PRODH2: variants seen among roughly 807,000 people sequenced by gnomAD.
PRODH2 encodes the protein hydroxyproline dehydrogenase.
A neutral mutation model predicts 51.9 loss-of-function variants in PRODH2; 49 were observed. That is an observed-to-expected ratio of 0.94 (90% CI 0.75 to 1.20). The LOEUF is 1.20. Among genes scored for constraint, PRODH2 ranks in the 50% most tolerant of loss-of-function variants. The pLI, the probability that PRODH2 is intolerant of heterozygous loss-of-function variation, is 0.00. For synonymous variants in PRODH2, 249 were observed against 260.7 expected (o/e 0.96, Z 0.43); for missense variants, 597 against 610.9 (o/e 0.98, Z 0.24).
In PRODH2 at chr19:35,806,584, G is replaced by A. The variant is rs201263714; in HGVS notation, c.847C>T (p.Arg283Trp). ...GCAGCCTCTGCATCCCTCCCCAGCCGCTCGAATGTGTCCTATAGGGCACGC... is the reference window on the plus strand; with the variant it reads ...GCAGCCTCTGCATCCCTCCCCAGCCACTCGAATGTGTCCTATAGGGCACGC... The part of the protein sequence containing the change: ...YQACLKDTFE[R>W]LGRDAEAAHR... Residue 283 changes from arginine to tryptophan, a missense_variant, in exon 7 of 10, where the codon CGG (arginine) becomes TGG (tryptophan). Coordinates refer to ENST00000653904, the MANE Select transcript of PRODH2 (RefSeq NM_021232.2). The A allele has an allele frequency of 1.9e-5, 31 of 1,613,990 alleles. No individual in the cohort carries two copies. In the Middle Eastern group the frequency reaches 4.9e-4, roughly 26 times the overall value.
chr19:35,812,094 A>G (rs776405078), intron 3 of PRODH2, 40 bp downstream of exon 3: 1 of 1,613,398 alleles, frequency 6.2e-7, no homozygotes, highest in Non-Finnish European at 8.5e-7. Flanking sequence ...CCCGATGGGC[A>G]GCCGCGCCCT....
intron 7 of PRODH2, among the ~76,000 whole-genome samples, chr19:35,804,383 A>G (rs1972477966): frequency 6.6e-6 from 1 of 152,184 alleles, no homozygotes; most frequent in African/African-American, 2.4e-5. Context: ...CCTCTTCACC[A>G]CATTTCCTTT....
Position 35,812,786 on chromosome 19 carries a change from A to C in PRODH2, c.20T>G (p.Val7Gly), listed in dbSNP as rs1234625646. The change falls in exon 1 of 10, where the codon GTG becomes GGG. Residue 7 changes from valine (V) to glycine (G), a missense_variant. Physicochemically the swap from Val to Gly is moderately radical, Grantham distance 109. Coordinates refer to ENST00000653904, the MANE Select transcript of PRODH2 (RefSeq NM_021232.2). ...GGGGGGACCAGCTTGGGAACAGAGC[A>C]CGTAACAGGTCCGGAGCATCCTGGG... is the stretch of plus-strand genomic sequence containing the variant. Reference protein sequence around the residue: MLRTCYVLCSQAGPPSR... With the variant: MLRTCYGLCSQAGPPSR... The C allele has an allele frequency of 1.9e-6, 3 of 1,602,074 alleles. No individual in the cohort carries two copies. The highest frequency in any genetic ancestry group is 2.6e-6 in the Non-Finnish European group (3 of 1,172,720).
rs1013441198 is a variant in PRODH2 at position 35,806,744 on chromosome 19, C to G, written c.765G>C (p.Leu255=). The G allele has an allele frequency of 1.2e-6, 2 of 1,613,838 alleles. No individual in the cohort carries two copies. The highest frequency in any genetic ancestry group is 2.7e-5 in the African/African-American group (2 of 75,056). The part of the protein sequence containing the change: ...NPALSLLVAA[L]AVRWNSPGEG... ...CACCCGGGCTGTTCCAGCGCACAGC[C>G]AGGGCAGCCACCAGCAGCGAGAGCG... The change falls in exon 6 of 10, where the codon CTG becomes CTC. Residue 255 remains leucine, a synonymous_variant. Transcript: ENST00000653904.
At position 35,802,971 on chromosome 19, in the gene PRODH2, T is replaced by A; in HGVS notation, c.1109A>T (p.Lys370Met). 6.4e-7 allele frequency: 1 copy of A among 1,552,718 alleles called. No individual in the cohort carries two copies. The highest frequency in any genetic ancestry group is 8.8e-7 in the Non-Finnish European group (1 of 1,142,282). Residue 370 changes from lysine to methionine, a missense_variant, in exon 8 of 10, where the codon AAG becomes ATG. Physicochemically the swap from Lys to Met is moderately conservative, Grantham distance 95. Coordinates refer to ENST00000653904, the MANE Select transcript of PRODH2 (RefSeq NM_021232.2). ...CGCCCATCCCTCCACCTCATACCGCTTGGTTGCCTGGCGAACAGATTCCTC... is the reference window on the plus strand; with the variant it reads ...CGCCCATCCCTCCACCTCATACCGCATGGTTGCCTGGCGAACAGATTCCTC... ...HNEESVRQAT[K>M]RMWELGIPLD...
Position 35,800,080 on chromosome 19 carries a change from C to T in PRODH2, c.1341G>A (p.Leu447=). ...GGCATCCTGGCAGCAGCCGCCGCCA[C>T]AGTTCTTGGCTGAGCAGCTCCTGTT... is the stretch of plus-strand genomic sequence containing the variant. ...RREQELLSQE[L]WRRLLPGCRR... Residue 447 remains leucine, a synonymous_variant, in exon 10 of 10, where the codon CTG becomes CTA. Transcript: ENST00000653904. 6.2e-7 allele frequency: 1 copy of T among 1,612,356 alleles called. No individual in the cohort carries two copies. Among genetic ancestry groups the T allele is most frequent in the Non-Finnish European group, 8.5e-7 (1 of 1,179,360 alleles).
In PRODH2 at chr19:35,806,616, G is replaced by A; in HGVS notation, c.835-20C>T. The A allele has an allele frequency of 6.2e-7, 1 of 1,614,096 alleles. No individual in the cohort carries two copies. The highest frequency in any genetic ancestry group is 8.5e-7 in the Non-Finnish European group (1 of 1,179,972). ...TGTGTCCTATAGGGCACGCAGGCAG[G>A]TTCTGGTAGGTCAGGGTGTGGGGAC... On this transcript the variant is annotated intron_variant, in intron 6 of 9. Transcript: ENST00000653904.
intron 7 of PRODH2, among the ~76,000 whole-genome samples, chr19:35,806,084 T>TTTGC (rs1972506912): frequency 6.6e-6 from 1 of 151,822 alleles, no homozygotes. Flanking sequence ...TGTTTGTTTG[T>TTTGC]TTGTTTGTTT....
intron 7 of PRODH2, among the ~76,000 whole-genome samples, 166 bp from the exon 8 acceptor site, chr19:35,803,244 G>T (rs948166297): frequency 6.6e-6 from 1 of 151,956 alleles, no homozygotes; most frequent in Non-Finnish European, 1.5e-5. Flanking sequence ...CATCTTCTGG[G>T]GTTTTTTGGG....
chr19:35,804,621 G>A (rs1163901989), intron 7 of PRODH2, among the ~76,000 whole-genome samples: 1 of 152,176 alleles, frequency 6.6e-6, no homozygotes, highest in African/African-American at 2.4e-5. Flanking sequence ...GCTCCTTATC[G>A]GTAGGCTAGT....
chr19:35,807,560 C>A (rs1227792800), intron 4 of PRODH2, among the ~76,000 whole-genome samples: 1 of 151,900 alleles, frequency 6.6e-6, no homozygotes, highest in Non-Finnish European at 1.5e-5. Context: ...ACATCGGCCT[C>A]CCAAAGTGCT....
chr19:35,806,717 T>C lies in PRODH2; in HGVS notation c.792A>G (p.Glu264=). 6.2e-7 allele frequency: 1 copy of C among 1,614,092 alleles called. No individual in the cohort carries two copies. The highest frequency in any genetic ancestry group is 1.1e-5 in the South Asian group (1 of 91,066). ...ALAVRWNSPG[E]GGPWVWNTYQ... ...AGGTGTTCCACACCCAGGGCCCGCC[T>C]TCACCCGGGCTGTTCCAGCGCACAG... The change falls in exon 6 of 10, where the codon GAA becomes GAG. Residue 264 remains glutamate, a synonymous_variant. Coordinates refer to ENST00000653904, the MANE Select transcript of PRODH2 (RefSeq NM_021232.2).
chr19:35,806,150 G>A (rs901766477), intron 7 of PRODH2, among the ~76,000 whole-genome samples: 1 of 152,048 alleles, frequency 6.6e-6, no homozygotes, highest in Admixed American at 6.6e-5. Context: ...CAGTGGTGCA[G>A]TCATGGCTCA....
At position 35,807,183 on chromosome 19, in the gene PRODH2, A is replaced by G. The variant is rs3761086; in HGVS notation, c.598-62T>C. 2.6e-3 allele frequency: 3,667 copies of G among 1,407,214 alleles called. 37 individuals are homozygous for G. The East Asian group carries it at 0.03, about 12-fold the overall frequency. 87.2% of individuals were successfully genotyped at this position (1,407,214 alleles called of 1,614,324 possible). On this transcript the variant is annotated intron_variant, in intron 4 of 9. Coordinates refer to ENST00000653904, the MANE Select transcript of PRODH2 (RefSeq NM_021232.2). ...AGTTGCTAGAAATCTAAAAATGAGCAATATCAGTTAGGTACTATTTATTGA... is the reference window on the plus strand; with the variant it reads ...AGTTGCTAGAAATCTAAAAATGAGCGATATCAGTTAGGTACTATTTATTGA...
intron 7 of PRODH2, among the ~76,000 whole-genome samples, chr19:35,805,469 G>A (rs1439186955): frequency 6.6e-6 from 1 of 152,076 alleles, no homozygotes; most frequent in African/African-American, 2.4e-5. Flanking sequence ...GTTTCACCAT[G>A]TTTGTCAGGC....
intron 9 of PRODH2, 36 bp from the exon 10 acceptor site, chr19:35,800,258 G>T (rs777648689): frequency 6.7e-6 from 10 of 1,498,204 alleles, no homozygotes; most frequent in Admixed American, 2.2e-5. Context: ...TTCGTTTTTG[G>T]TGTTTTTCTG....
intron 9 of PRODH2, chr19:35,801,814 C>T (rs1972435813): frequency 4.3e-6 from 1 of 231,384 alleles, no homozygotes; most frequent in African/African-American, 2.2e-5. Context: ...ATGGGTTAAC[C>T]CCCTTATGTA....
At chr19:35,804,593 T>C (rs1040815312) in intron 7 of PRODH2, among the ~76,000 whole-genome samples, 2 of 152,218 alleles carry the variant, frequency 1.3e-5, no homozygotes, top group African/African-American at 4.8e-5. Context: ...TCAGGCTGTC[T>C]GATGCTCCAG....
At chr19:35,804,880 G>T (rs1972487693) in intron 7 of PRODH2, among the ~76,000 whole-genome samples, 1 of 152,198 alleles carries the variant, frequency 6.6e-6, no homozygotes. Flanking sequence ...AGGCTGCAGT[G>T]AGCCAAGATC....
Sources: allele counts gnomAD v4.1 joint callset (sites outside exome capture counted in the v4.1 genomes callset), GRCh38; gene constraint gnomAD v4.1.1; transcripts MANE v1.5; gene names NCBI Gene and HGNC (gene_info 2026-07-23, HGNC 2026-07-21).